The following NMNAT2 variants were observed in gnomAD, a reference collection of about 807,000 sequenced individuals.
NMNAT2 encodes nicotinamide/nicotinic acid mononucleotide adenylyltransferase 2.
Under a neutral mutation model 41.6 loss-of-function variants are expected in NMNAT2, and 11 were observed. The observed-to-expected ratio is 0.26, with a 90% CI of 0.17 to 0.44. The LOEUF is 0.44. NMNAT2 is among the 20% of genes least tolerant of loss of function. The probability of loss-of-function intolerance (pLI) is 1.00; values close to 1 mark genes in which losing one functional copy is unlikely to be tolerated. For missense variants in NMNAT2, 288 were observed against 407.7 expected (o/e 0.71, Z 2.53); for synonymous variants, 148 against 151.2 (o/e 0.98, Z 0.16).
intron 8 of NMNAT2, among the ~76,000 whole-genome samples, chr1:183,275,908 G>A (rs548475069): frequency 7.2e-5 from 11 of 152,120 alleles, no homozygotes; most frequent in Non-Finnish European, 1.5e-4. Flanking sequence ...TCCTGACCTC[G>A]TGATCCATCT....
chr1:183,298,276 C>T (rs1661755600), intron 1 of NMNAT2, among the ~76,000 whole-genome samples: 1 of 152,144 alleles, frequency 6.6e-6, no homozygotes, highest in African/African-American at 2.4e-5. Context: ...TTGTAGATGA[C>T]TTGATGATCT....
At position 183,373,778 on chromosome 1, in the gene NMNAT2, C is replaced by T. The variant is rs539299951; in HGVS notation, c.85+44405G>A. Among the ~76,000 whole-genome samples the T allele has an allele frequency of 3.0e-4, 45 of 152,036 alleles. No individual in the cohort carries two copies. In the East Asian group the frequency reaches 4.3e-3, roughly 14 times the overall value. On this transcript the variant is annotated intron_variant, in intron 1 of 10. Coordinates refer to ENST00000287713, the MANE Select transcript of NMNAT2 (RefSeq NM_015039.4). ...GACTACAGGCACACGCAACCATGCC[C>T]GGCTAATTTTTGTATTTTTAGTAGA... is the stretch of plus-strand genomic sequence containing the variant.
At chr1:183,414,386 C>G (rs1649201229) in intron 1 of NMNAT2, among the ~76,000 whole-genome samples, 1 of 152,206 alleles carries the variant, frequency 6.6e-6, no homozygotes. Context: ...TCTTACTTTT[C>G]TATTTAAACT....
intron 1 of NMNAT2, among the ~76,000 whole-genome samples, chr1:183,351,131 CT>C (rs1663038545): frequency 6.6e-6 from 1 of 152,174 alleles, no homozygotes; most frequent in African/African-American, 2.4e-5. Context: ...CCACTTATAT[CT>C]TTATCTGTTA....
intron 8 of NMNAT2, among the ~76,000 whole-genome samples, chr1:183,263,816 AAAC>A (rs1461641508): frequency 1.3e-3 from 1 of 794 alleles, no homozygotes; most frequent in Non-Finnish European, 0.013. Context: ...TCAAAAACAA[AAAC>A]AAACAAACAA....
chr1:183,378,355 T>C (rs370231797), intron 1 of NMNAT2, among the ~76,000 whole-genome samples: 261 of 151,122 alleles, frequency 1.7e-3, no homozygotes, highest in African/African-American at 6.2e-3. Context: ...GATTGCATTA[T>C]TGCACTCCAG....
At chr1:183,301,649 T>C (rs1393405509) in intron 1 of NMNAT2, among the ~76,000 whole-genome samples, 3 of 152,218 alleles carry the variant, frequency 2.0e-5, no homozygotes, top group Admixed American at 6.5e-5. Context: ...CTGTGTCTCA[T>C]GGCTCATTCC....
At chr1:183,304,878 C>A in intron 1 of NMNAT2, 1 of 1,513,650 alleles carries the variant, frequency 6.6e-7, no homozygotes, top group Non-Finnish European at 8.8e-7. Flanking sequence ...ATTTGAATCC[C>A]TTTGTCCTTA....
intron 1 of NMNAT2, among the ~76,000 whole-genome samples, chr1:183,355,965 A>T (rs1390925508): frequency 6.6e-6 from 1 of 152,228 alleles, no homozygotes; most frequent in Non-Finnish European, 1.5e-5. Context: ...TTCATAGAGC[A>T]GTGCCTCCTG....
intron 1 of NMNAT2, among the ~76,000 whole-genome samples, chr1:183,361,811 T>C (rs577035772): frequency 6.6e-6 from 1 of 152,374 alleles, no homozygotes; most frequent in African/African-American, 2.4e-5. Flanking sequence ...GTCAGTCATT[T>C]TATTTTATAA....
chr1:183,418,377 C>T lies in NMNAT2; in HGVS notation c.-110G>A. 1 of 1,001,974 alleles carries T rather than the reference C, an allele frequency of 1.0e-6. No homozygotes were observed. Among genetic ancestry groups the T allele is most frequent in the Non-Finnish European group, 1.6e-6 (1 of 641,554 alleles). 62.1% of individuals were successfully genotyped at this position (1,001,974 alleles called of 1,614,324 possible). A position where few individuals can be genotyped will look rare whatever the true frequency, so the allele number is the denominator to read the frequency against. ...AGGCTCCGGCGGTGGATGCTGTGGA[C>T]TCCAAGGAGCCGCTCCAGACGCAAA... On this transcript the variant is annotated 5_prime_UTR_variant, in exon 1 of 11. Coordinates refer to ENST00000287713, the MANE Select transcript of NMNAT2 (RefSeq NM_015039.4).
intron 1 of NMNAT2, among the ~76,000 whole-genome samples, chr1:183,339,888 C>A (rs2023245): frequency 0.71 from 108,038 of 151,876 alleles, 38,565 homozygotes; most frequent in East Asian, 0.9. Flanking sequence ...TTCATGAATG[C>A]CTGGAACCAC....
intron 1 of NMNAT2, among the ~76,000 whole-genome samples, chr1:183,319,611 C>T (rs1354427959): frequency 6.6e-6 from 1 of 152,064 alleles, no homozygotes; most frequent in African/African-American, 2.4e-5. Context: ...TGGTTTCTTC[C>T]CTCCTTCCTT....
chr1:183,387,953 C>G (rs978945534), intron 1 of NMNAT2, among the ~76,000 whole-genome samples: 1 of 152,148 alleles, frequency 6.6e-6, no homozygotes, highest in Non-Finnish European at 1.5e-5. Context: ...ATAACAAACC[C>G]TTAGAGAACA....
intron 1 of NMNAT2, among the ~76,000 whole-genome samples, chr1:183,358,690 C>A (rs985667349): frequency 6.6e-6 from 1 of 152,176 alleles, no homozygotes; most frequent in African/African-American, 2.4e-5. Flanking sequence ...TTCCCCTCAT[C>A]ATGTGGACTG....
intron 8 of NMNAT2, among the ~76,000 whole-genome samples, chr1:183,273,112 G>A (rs1558112312): frequency 6.6e-6 from 1 of 152,158 alleles, no homozygotes; most frequent in Non-Finnish European, 1.5e-5. Context: ...CCAGCTGTTC[G>A]AACTGTGTTC....
intron 1 of NMNAT2, among the ~76,000 whole-genome samples, chr1:183,354,021 T>C (rs1338257055): frequency 6.6e-6 from 1 of 152,186 alleles, no homozygotes; most frequent in Non-Finnish European, 1.5e-5. Flanking sequence ...CTTTCTCTGA[T>C]GAATGTTTTA....
intron 1 of NMNAT2, among the ~76,000 whole-genome samples, chr1:183,390,380 G>A (rs1303037489): frequency 6.6e-6 from 1 of 152,080 alleles, no homozygotes; most frequent in Middle Eastern, 3.2e-3. Flanking sequence ...TTATTATAAC[G>A]GAGCTGAGCC....
At chr1:183,282,241 A>G (rs1558115650) in intron 7 of NMNAT2, among the ~76,000 whole-genome samples, 1 of 152,238 alleles carries the variant, frequency 6.6e-6, no homozygotes, top group East Asian at 1.9e-4. Flanking sequence ...GCAGAGCCTC[A>G]GGGAAGCCAG....
Sources: gnomAD v4.1 joint callset for allele counts (sites outside exome capture counted in the v4.1 genomes callset) on GRCh38, gnomAD v4.1.1 for gene constraint, MANE v1.5 for transcripts, NCBI Gene and HGNC (gene_info 2026-07-23, HGNC 2026-07-21) for gene names.